The following PRDM5 variants were observed in gnomAD, a reference collection of about 807,000 sequenced individuals.
The protein encoded by PRDM5 is PR/SET domain 5, also known as PR domain zinc finger protein 5.
PRDM5 carries 56 observed loss-of-function variants against 81.2 expected under a neutral mutation model. The observed-to-expected ratio is 0.69, with a 90% CI of 0.56 to 0.86. PRDM5 has a LOEUF of 0.86. PRDM5 is among the 40% of genes least tolerant of loss of function. The pLI, the probability that PRDM5 is intolerant of heterozygous loss-of-function variation, is 0.00. For missense variants in PRDM5, 697 were observed against 770.1 expected (o/e 0.91, Z 1.12); for synonymous variants, 267 against 256.4 (o/e 1.04, Z -0.39).
chr4:120,714,753 C>T (rs1429656737), intron 14 of PRDM5, among the ~76,000 whole-genome samples: 7 of 151,968 alleles, frequency 4.6e-5, no homozygotes, highest in Non-Finnish European at 1.5e-5. Flanking sequence ...ATCCTGTGAC[C>T]CCTAGGTTGA....
chr4:120,745,279 T>A (rs1455217079), intron 14 of PRDM5, among the ~76,000 whole-genome samples: 1 of 127,354 alleles, frequency 7.9e-6, no homozygotes, highest in Non-Finnish European at 1.6e-5. Flanking sequence ...ATGGGACATA[T>A]TTCAAAATAA....
intron 15 of PRDM5, among the ~76,000 whole-genome samples, chr4:120,699,447 T>C (rs1291383850): frequency 6.6e-6 from 1 of 152,048 alleles, no homozygotes; most frequent in East Asian, 1.9e-4. Flanking sequence ...TTATCTCTGT[T>C]AGCCCAAGAG....
At chr4:120,743,934 C>G (rs535726056) in intron 14 of PRDM5, among the ~76,000 whole-genome samples, 2 of 151,888 alleles carry the variant, frequency 1.3e-5, no homozygotes, top group African/African-American at 4.8e-5. Flanking sequence ...GCGGACCTAA[C>G]AGACATCTAC....
intron 14 of PRDM5, among the ~76,000 whole-genome samples, chr4:120,719,229 C>T (rs1305317319): frequency 6.6e-6 from 1 of 152,228 alleles, no homozygotes; most frequent in Non-Finnish European, 1.5e-5. Flanking sequence ...CCCGACATTG[C>T]CAAACGTCCC....
chr4:120,743,704 G>C, intron 14 of PRDM5, among the ~76,000 whole-genome samples: 1 of 100,648 alleles, frequency 9.9e-6, no homozygotes, highest in African/African-American at 4.0e-5. Flanking sequence ...TAATGGTAAA[G>C]GGATCAATTC....
intron 2 of PRDM5, among the ~76,000 whole-genome samples, chr4:120,854,462 T>C (rs903101418): frequency 9.2e-5 from 14 of 152,184 alleles, no homozygotes; most frequent in African/African-American, 3.4e-4. Context: ...CAAATTCACC[T>C]TGGCAGACTT....
intron 3 of PRDM5, among the ~76,000 whole-genome samples, chr4:120,833,842 A>G (rs146157446): frequency 1.3e-5 from 2 of 152,250 alleles, no homozygotes; most frequent in African/African-American, 4.8e-5. Context: ...TTGTACAGAG[A>G]ATGGTAGTTA....
intron 12 of PRDM5, among the ~76,000 whole-genome samples, chr4:120,778,628 A>G (rs1434560054): frequency 6.6e-6 from 1 of 152,156 alleles, no homozygotes; most frequent in African/African-American, 2.4e-5. Flanking sequence ...AGTCAGTATC[A>G]GTGTCTTTTG....
intron 14 of PRDM5, among the ~76,000 whole-genome samples, chr4:120,753,369 G>A (rs1381828055): frequency 6.6e-6 from 1 of 151,990 alleles, no homozygotes; most frequent in African/African-American, 2.4e-5. Flanking sequence ...TTATATCTAG[G>A]AAGTACTCCA....
chr4:120,821,314 T>C lies in PRDM5; in HGVS notation c.332A>G (p.Glu111Gly), dbSNP rs1755236169. ...AAGCTCCGTGTCTGTTTCTATATCT[T>C]CAACTGCCAAATAGAAAATGTTTTC... ...EGENIFYLAV[E>G]DIETDTELLI... Residue 111 changes from glutamate to glycine, a missense_variant, in exon 4 of 16, where the codon GAA becomes GGA. Glu to Gly is a moderately conservative substitution (Grantham distance 98, BLOSUM62 -2). Transcript: ENST00000264808. 1 of 1,614,094 alleles carries C rather than the reference T, an allele frequency of 6.2e-7. No homozygotes were observed. The highest frequency in any genetic ancestry group is 8.5e-7 in the Non-Finnish European group (1 of 1,180,008).
chr4:120,699,206 T>TATATATATATATA (rs1735004372), intron 15 of PRDM5, among the ~76,000 whole-genome samples: 1 of 82,388 alleles, frequency 1.2e-5, no homozygotes, highest in Non-Finnish European at 2.7e-5. Flanking sequence ...ATATATATAT[T>TATATATATATATA]TCAGATGTCT....
At chr4:120,773,056 T>C (rs1310699439) in intron 13 of PRDM5, among the ~76,000 whole-genome samples, 1 of 152,220 alleles carries the variant, frequency 6.6e-6, no homozygotes, top group Admixed American at 6.5e-5. Context: ...ATAATCTTTT[T>C]AATATTTGGA....
chr4:120,795,072 C>T (rs906159620), intron 10 of PRDM5, among the ~76,000 whole-genome samples: 2 of 152,192 alleles, frequency 1.3e-5, no homozygotes, highest in Admixed American at 6.5e-5. Flanking sequence ...ACTAGATTTC[C>T]TCATAAGCCT....
chr4:120,739,777 C>T lies in PRDM5; in HGVS notation c.1623+14776G>A, dbSNP rs183100407. 1.7e-3 allele frequency among the ~76,000 whole-genome samples: 260 copies of T among 151,422 alleles called. 2 individuals are homozygous for T. Among genetic ancestry groups the T allele is most frequent in the Admixed American group, 4.1e-3 (62 of 15,150 alleles). On this transcript the variant is annotated intron_variant, in intron 14 of 15. Coordinates refer to ENST00000264808, the MANE Select transcript of PRDM5 (RefSeq NM_018699.4). ...TATTTCAGGAGCATCATTTGGTATG[C>T]CAAAAAAGTATTCCTAACTGGGAAA...
intron 11 of PRDM5, among the ~76,000 whole-genome samples, chr4:120,784,154 C>A (rs1386589708): frequency 6.6e-6 from 1 of 152,050 alleles, no homozygotes; most frequent in Non-Finnish European, 1.5e-5. Context: ...AACAGAGAAT[C>A]CACTTTAAAA....
intron 2 of PRDM5, chr4:120,897,027 A>G (rs2148647411): frequency 6.6e-6 from 1 of 151,336 alleles, no homozygotes; most frequent in Non-Finnish European, 1.5e-5. Context: ...AGTAAATCCA[A>G]AGTAGCAAAG....
chr4:120,785,217 A>C, intron 10 of PRDM5, 126 bp from the exon 11 acceptor site: 2 of 730,040 alleles, frequency 2.7e-6, no homozygotes, highest in Non-Finnish European at 4.8e-6. Flanking sequence ...TGTTTCTTCT[A>C]GTGCCATTCT....
intron 2 of PRDM5, among the ~76,000 whole-genome samples, chr4:120,892,018 C>G (rs1764103568): frequency 6.6e-6 from 1 of 152,182 alleles, no homozygotes; most frequent in African/African-American, 2.4e-5. Context: ...TCTTCGTTCA[C>G]ATTAGTTTCA....
chr4:120,895,191 G>C (rs1387220028), intron 2 of PRDM5, among the ~76,000 whole-genome samples: 1 of 152,162 alleles, frequency 6.6e-6, no homozygotes, highest in African/African-American at 2.4e-5. Flanking sequence ...CAAAGCAAAG[G>C]GAGAAAATTT....
Sources: gnomAD v4.1 joint callset for allele counts (sites outside exome capture counted in the v4.1 genomes callset) on GRCh38, gnomAD v4.1.1 for gene constraint, MANE v1.5 for transcripts, NCBI Gene and HGNC (gene_info 2026-07-23, HGNC 2026-07-21) for gene names.